The following EPCAM variants were observed in gnomAD, a reference collection of about 807,000 sequenced individuals.
EPCAM encodes epithelial cell adhesion molecule.
Under a neutral mutation model 40.0 loss-of-function variants are expected in EPCAM, and 39 were observed. The observed-to-expected ratio is 0.98, with a 90% confidence interval of 0.76 to 1.27. The LOEUF (loss-of-function observed/expected upper bound fraction) is 1.27, where lower values mean the gene tolerates loss of function less well. EPCAM is among the 50% of genes most tolerant of loss of function. The pLI is 0.00. For synonymous variants in EPCAM, 168 were observed against 132.3 expected (o/e 1.27, Z -1.85); for missense variants, 503 against 381.2 (o/e 1.32, Z -2.66).
chr2:47,381,838 C>G (rs1196315494), intron 7 of EPCAM, among the ~76,000 whole-genome samples: 1 of 152,146 alleles, frequency 6.6e-6, no homozygotes, highest in African/African-American at 2.4e-5. Flanking sequence ...ATGATCATAA[C>G]TCACTGCAAC....
chr2:47,383,649 TTTTGA>T (rs1671659254), intron 7 of EPCAM, among the ~76,000 whole-genome samples: 1 of 93,590 alleles, frequency 1.1e-5, no homozygotes, highest in Admixed American at 1.2e-4. Context: ...TTTTTTTTTT[TTTTGA>T]GATGGAGTCT....
intron 6 of EPCAM, 43 bp from the exon 7 acceptor site, chr2:47,379,726 T>C (rs969122017): frequency 6.2e-7 from 1 of 1,606,300 alleles, no homozygotes; most frequent in Admixed American, 1.7e-5. Flanking sequence ...CCATGGTTGG[T>C]TTCCTTAAAT....
intron 7 of EPCAM, among the ~76,000 whole-genome samples, chr2:47,384,569 G>C (rs770464819): frequency 6.7e-6 from 1 of 150,206 alleles, no homozygotes; most frequent in Non-Finnish European, 1.5e-5. Flanking sequence ...GACCACCACC[G>C]CGCCTGGCTA....
chr2:47,380,407 T>G (rs1249310364), intron 7 of EPCAM, among the ~76,000 whole-genome samples: 1 of 152,234 alleles, frequency 6.6e-6, no homozygotes, highest in Non-Finnish European at 1.5e-5. Context: ...AATTTTTTTA[T>G]GGTGAATGAA....
intron 4 of EPCAM, 93 bp from the exon 5 acceptor site, chr2:47,376,921 T>G (rs1671441908): frequency 1.2e-6 from 1 of 824,766 alleles, no homozygotes; most frequent in Non-Finnish European, 2.1e-6. Context: ...AATGACAGTT[T>G]TAGACCCTGA....
intron 3 of EPCAM, 136 bp downstream of exon 3, chr2:47,374,184 A>T: frequency 9.7e-7 from 1 of 1,029,256 alleles, no homozygotes; most frequent in Non-Finnish European, 1.5e-6. Context: ...CTTCCTTCTC[A>T]TTCCAGTCCC....
At chr2:47,371,280 A>AAAC (rs1671257491) in intron 1 of EPCAM, among the ~76,000 whole-genome samples, 1 of 151,854 alleles carries the variant, frequency 6.6e-6, no homozygotes, top group Admixed American at 6.6e-5. Flanking sequence ...TTTTTTTTGG[A>AAAC]AACAGTGTCT....
Position 47,373,446 on chromosome 2 carries a change from T to C in EPCAM, c.77-17T>C, listed in dbSNP as rs1272515560. 6.6e-7 allele frequency: 1 copy of C among 1,526,580 alleles called. No homozygotes were observed. The highest frequency in any genetic ancestry group is 9.1e-7 in the Non-Finnish European group (1 of 1,104,238). The allele number at this position is 1,526,580 out of a possible 1,614,324, so 94.6% of individuals were successfully genotyped here. A position where few individuals can be genotyped will look rare whatever the true frequency, so the allele number is the denominator to read the frequency against. On this transcript the variant is annotated splice_polypyrimidine_tract_variant and intron_variant, in intron 1 of 8. Coordinates refer to ENST00000263735, the MANE Select transcript of EPCAM (RefSeq NM_002354.3). ...TAGATCCACATTTTAAAGTAGATTT[T>C]TTTTTTAATTTTCTAGAATGTGTCT...
chr2:47,369,640 CCGGCCCT>C (rs746695351), intron 1 of EPCAM, 59 bp downstream of exon 1: 7 of 1,506,746 alleles, frequency 4.6e-6, no homozygotes, highest in South Asian at 3.6e-5. Context: ...GCAGCGGCCC[CCGGCCCT>C]CGGCCCCCGA....
At chr2:47,377,741 A>T (rs773938560) in intron 5 of EPCAM, 1 of 454,562 alleles carries the variant, frequency 2.2e-6, no homozygotes, top group Admixed American at 2.6e-5. Flanking sequence ...TTTGGTGCAT[A>T]TTTACTTTAG....
rs141843322 is a variant in EPCAM at position 47,373,833 on chromosome 2, G to C, written c.210G>C (p.Lys70Asn). 1 of 1,614,060 alleles carries C rather than the reference G, an allele frequency of 6.2e-7. No homozygotes were observed. The highest frequency in any genetic ancestry group is 1.7e-5 in the Admixed American group (1 of 59,988). The change falls in exon 3 of 9, where the codon AAG (lysine) becomes AAC (asparagine). Residue 70 changes from lysine to asparagine, a missense_variant. Physicochemically the swap from Lys to Asn is moderately conservative, Grantham distance 94 (BLOSUM62 0). Coordinates refer to ENST00000263735, the MANE Select transcript of EPCAM (RefSeq NM_002354.3). ...SKLAAKCLVMKAEMNGSKLGR... is the reference protein window; with the variant it reads ...SKLAAKCLVMNAEMNGSKLGR... The stretch of plus-strand genomic sequence containing the variant: ...TGGCTGCCAAATGTTTGGTGATGAA[G>C]GCAGAAATGAATGGCTCAAAACTTG...
chr2:47,369,704 G>T, intron 1 of EPCAM, 123 bp downstream of exon 1: 1 of 1,057,646 alleles, frequency 9.5e-7, no homozygotes, highest in South Asian at 1.4e-5. Flanking sequence ...TTTCCAGCGT[G>T]GAGACCGGAC....
In EPCAM at chr2:47,373,491, C is replaced by T. The variant is rs747879855; in HGVS notation, c.105C>T (p.Ala35=). 17 of 1,612,952 alleles carry T rather than the reference C, an allele frequency of 1.1e-5. 1 individual carries two copies. Among genetic ancestry groups the T allele is most frequent in the Non-Finnish European group, 1.4e-5 (16 of 1,179,344 alleles). The stretch of plus-strand genomic sequence containing the variant: ...GTGTCTGTGAAAACTACAAGCTGGC[C>T]GTAAACTGCTTTGTGAATAATAATC... ...EECVCENYKL[A]VNCFVNNNRQ... is the part of the protein sequence containing the mutation. Residue 35 remains alanine (A), a synonymous_variant, in exon 2 of 9, where the codon GCC becomes GCT. Transcript: ENST00000263735.
At chr2:47,380,025 AAT>A in intron 7 of EPCAM, 56 bp downstream of exon 7, 1 of 1,556,562 alleles carries the variant, frequency 6.4e-7, no homozygotes, top group Non-Finnish European at 8.7e-7. Flanking sequence ...AAGAAAAAGT[AAT>A]AGTGGCTGGG....
chr2:47,377,436 T>G (rs1214452127), intron 5 of EPCAM, among the ~76,000 whole-genome samples: 20 of 151,836 alleles, frequency 1.3e-4, no homozygotes, highest in Non-Finnish European at 7.4e-5. Context: ...GGGGTTTTGC[T>G]ATGTTGGCCA....
intron 7 of EPCAM, among the ~76,000 whole-genome samples, chr2:47,383,758 C>A (rs1671663336): frequency 6.6e-6 from 1 of 150,384 alleles, no homozygotes; most frequent in Non-Finnish European, 1.5e-5. Flanking sequence ...CCTCAGCTTC[C>A]CAAGTAGCTG....
intron 7 of EPCAM, among the ~76,000 whole-genome samples, chr2:47,384,035 G>A (rs1341513435): frequency 5.3e-5 from 8 of 151,442 alleles, no homozygotes; most frequent in Non-Finnish European, 1.0e-4. Flanking sequence ...TTTTGATTTT[G>A]ATTTTTGTTT....
rs145271299 is a variant in EPCAM at position 47,372,509 on chromosome 2, G to C, written c.77-954G>C. On this transcript the variant is annotated intron_variant, in intron 1 of 8. Coordinates refer to ENST00000263735, the MANE Select transcript of EPCAM (RefSeq NM_002354.3). ...AAAAAAAAAGCCGGGCGCGGTGGCT[G>C]ACACCTGTAATCCCAGCACTTTGGT... Among the ~76,000 whole-genome samples, 1,398 of 152,008 alleles carry C rather than the reference G, an allele frequency of 9.2e-3. 26 individuals are homozygous for C. Among genetic ancestry groups the C allele is most frequent in the African/African-American group, 0.03 (1,251 of 41,468 alleles).
At chr2:47,380,060 T>G in intron 7 of EPCAM, 91 bp downstream of exon 7, 11 of 1,543,556 alleles carry the variant, frequency 7.1e-6, no homozygotes, top group Non-Finnish European at 9.6e-6. Flanking sequence ...CCACACCTGT[T>G]ATCCCTACAC....
Sources: allele counts gnomAD v4.1 joint callset (sites outside exome capture counted in the v4.1 genomes callset), GRCh38; gene constraint gnomAD v4.1.1; transcripts MANE v1.5; gene names NCBI Gene and HGNC (gene_info 2026-07-23, HGNC 2026-07-21).